SV2C: variants seen among roughly 807,000 people sequenced by gnomAD.
SV2C encodes synaptic vesicle glycoprotein 2C.
In SV2C, 49 loss-of-function variants were observed where a neutral mutation model predicts 79.7. The observed-to-expected ratio is 0.61, with a 90% CI of 0.49 to 0.78. The LOEUF (loss-of-function observed/expected upper bound fraction) is 0.78. Among genes scored for constraint, SV2C ranks in the 30% least tolerant of loss-of-function variants. The probability of loss-of-function intolerance (pLI) is 0.00; values close to 1 mark genes in which losing one functional copy is unlikely to be tolerated. For missense variants in SV2C, 833 were observed against 912.9 expected, an observed-to-expected ratio of 0.91 and a Z score of 1.13; for synonymous variants, 334 against 333.2, an observed-to-expected ratio of 1.00 and a Z score of -0.03.
chr5:76,081,498 A>T (rs1370612843), upstream of SV2C, among the ~76,000 whole-genome samples: 1 of 152,178 alleles, frequency 6.6e-6, no homozygotes, highest in African/African-American at 2.4e-5. Flanking sequence ...CATTAATTTT[A>T]GCCTAAATAA....
the SV2C span, among the ~76,000 whole-genome samples, chr5:75,954,753 G>A: frequency 8.7e-5 from 13 of 149,292 alleles, no homozygotes; most frequent in African/African-American, 1.5e-4. Context: ...ACAAATAACC[G>A]ACAAACAGAG....
At chr5:76,118,119 C>A (rs1439545304) in intron 1 of SV2C, among the ~76,000 whole-genome samples, 1 of 152,144 alleles carries the variant, frequency 6.6e-6, no homozygotes, top group Non-Finnish European at 1.5e-5. Context: ...AGGCCAGAGT[C>A]CCAAACTAAG....
intron 2 of SV2C, among the ~76,000 whole-genome samples, chr5:76,145,833 T>C (rs779667025): frequency 2.4e-4 from 36 of 152,160 alleles, no homozygotes; most frequent in Non-Finnish European, 3.5e-4. Flanking sequence ...TTGGGAGAGA[T>C]TGGGGGAACA....
At chr5:76,140,881 C>T (rs748549990) in intron 2 of SV2C, among the ~76,000 whole-genome samples, 3 of 151,960 alleles carry the variant, frequency 2.0e-5, no homozygotes, top group Non-Finnish European at 4.4e-5. Flanking sequence ...GTGTATGCAC[C>T]CTCTGTCTCT....
At chr5:75,910,308 C>A in the SV2C span, 1 of 529,692 alleles carries the variant, frequency 1.9e-6, no homozygotes, top group South Asian at 1.4e-5. Context: ...ACACCCTGGT[C>A]AGCCAGTTGC....
chr5:76,052,180 C>A, the SV2C span, among the ~76,000 whole-genome samples: 1 of 152,174 alleles, frequency 6.6e-6, no homozygotes, highest in South Asian at 2.1e-4. Flanking sequence ...AATGTTCCTT[C>A]TTCCAATCAA....
intron 4 of SV2C, chr5:76,242,233 T>C: frequency 2.0e-6 from 2 of 1,000,258 alleles, no homozygotes; most frequent in Non-Finnish European, 3.2e-6. Context: ...ATCTTCTCTG[T>C]GGTTCGTCCT....
At chr5:76,043,223 T>C in the SV2C span, among the ~76,000 whole-genome samples, 1 of 152,208 alleles carries the variant, frequency 6.6e-6, no homozygotes, top group Non-Finnish European at 1.5e-5. Flanking sequence ...CAACATGGTT[T>C]CAGTGATCCC....
chr5:75,899,310 C>T, the SV2C span, among the ~76,000 whole-genome samples: 2 of 152,210 alleles, frequency 1.3e-5, no homozygotes, highest in South Asian at 4.2e-4. Context: ...TTATTTCTGC[C>T]TTCATTTCGT....
chr5:76,346,578 G>A (rs535082168), intron 12 of SV2C, among the ~76,000 whole-genome samples: 3 of 152,240 alleles, frequency 2.0e-5, no homozygotes, highest in East Asian at 1.9e-4. Flanking sequence ...CAGTCGCTGC[G>A]GTCAGTACTT....
chr5:75,941,472 T>C, the SV2C span, among the ~76,000 whole-genome samples: 2 of 152,180 alleles, frequency 1.3e-5, no homozygotes, highest in African/African-American at 4.8e-5. Context: ...TTGAAGGATG[T>C]ACAAAAAAAT....
chr5:76,196,241 TG>T (rs1195450636), intron 3 of SV2C, among the ~76,000 whole-genome samples: 1 of 152,214 alleles, frequency 6.6e-6, no homozygotes, highest in African/African-American at 2.4e-5. Context: ...AGCAAATACT[TG>T]ACTAAGTTGC....
At chr5:76,288,993 C>T (rs1416317138) in intron 6 of SV2C, among the ~76,000 whole-genome samples, 1 of 152,004 alleles carries the variant, frequency 6.6e-6, no homozygotes, top group Non-Finnish European at 1.5e-5. Flanking sequence ...GATCCTCCTG[C>T]CTCAGCCTTC....
chr5:75,907,950 G>C, the SV2C span, among the ~76,000 whole-genome samples: 1 of 152,236 alleles, frequency 6.6e-6, no homozygotes, highest in Non-Finnish European at 1.5e-5. Flanking sequence ...TCTCTTCATA[G>C]GAGCACTAAT....
the SV2C span, among the ~76,000 whole-genome samples, chr5:75,966,620 G>A: frequency 6.6e-6 from 1 of 152,204 alleles, no homozygotes; most frequent in East Asian, 1.9e-4. Flanking sequence ...TAATTTGCAT[G>A]TAATTAAAAG....
At chr5:76,049,984 C>G in the SV2C span, among the ~76,000 whole-genome samples, 2 of 152,302 alleles carry the variant, frequency 1.3e-5, no homozygotes, top group African/African-American at 4.8e-5. Flanking sequence ...AGTTCCACTA[C>G]TTATTAATTG....
intron 1 of SV2C, among the ~76,000 whole-genome samples, chr5:76,104,685 G>A (rs1223029865): frequency 3.3e-5 from 5 of 152,142 alleles, no homozygotes; most frequent in East Asian, 1.9e-4. Flanking sequence ...TTCTGTTTGC[G>A]ATACTAGAGA....
At chr5:76,291,964 A>G in intron 8 of SV2C, 108 bp downstream of exon 8, 1 of 753,042 alleles carries the variant, frequency 1.3e-6, no homozygotes, top group Non-Finnish European at 2.1e-6. Flanking sequence ...TTAACCTGCT[A>G]AGGAAGAAAT....
chr5:76,134,525 A>T (rs944806840), intron 2 of SV2C, among the ~76,000 whole-genome samples: 1 of 152,192 alleles, frequency 6.6e-6, no homozygotes, highest in Admixed American at 6.5e-5. Context: ...GAGGATATAG[A>T]TTTGCAAAAT....
Sources: gnomAD v4.1 joint callset for allele counts (sites outside exome capture counted in the v4.1 genomes callset) on GRCh38, gnomAD v4.1.1 for gene constraint, MANE v1.5 for transcripts, NCBI Gene and HGNC (gene_info 2026-07-23, HGNC 2026-07-21) for gene names.